KCNQ1: variants seen among roughly 807,000 people sequenced by gnomAD.
KCNQ1 encodes the protein potassium voltage-gated channel subfamily KQT member 1.
A neutral mutation model predicts 72.4 loss-of-function variants in KCNQ1; 49 were observed. The observed-to-expected ratio is 0.68, with a 90% CI of 0.54 to 0.86. The LOEUF (loss-of-function observed/expected upper bound fraction) is 0.86, where lower values mean the gene tolerates loss of function less well. Ranked by LOEUF, KCNQ1 falls within the 40% of genes least tolerant of loss-of-function variation. The probability of loss-of-function intolerance (pLI) is 0.00; values close to 1 mark genes in which losing one functional copy is unlikely to be tolerated. For missense variants in KCNQ1, 790 were observed against 945.1 expected (o/e 0.84, Z 2.15); for synonymous variants, 450 against 412.6 (o/e 1.09, Z -1.10).
chr11:2,796,163 T>C (rs163162), intron 15 of KCNQ1, among the ~76,000 whole-genome samples: 151,909 of 152,362 alleles, frequency 1, 75,729 homozygotes, highest in Middle Eastern at 1. Context: ...AAAACATAAA[T>C]GTAAATACCA....
chr11:2,647,165 C>CTT lies in KCNQ1; in HGVS notation c.1394-14787_1394-14786dup, dbSNP rs141799528. On this transcript the variant is annotated intron_variant, in intron 10 of 15. Transcript: ENST00000155840. This position sits in a 1 kb window ranked among gnomAD's most constrained non-coding sequence, Gnocchi z 4.0. ...TTCCTTCTAGACATTATGTGATGAGCTTTTTTTTTTATCATGAAGAGATTT... is the reference window on the plus strand; with the variant it reads ...TTCCTTCTAGACATTATGTGATGAGCTTTTTTTTTTTTATCATGAAGAGATTT... The CTT allele has an allele frequency of 2.6e-6, 1 of 380,096 alleles. No individual in the cohort carries two copies. Among genetic ancestry groups the CTT allele is most frequent in the Non-Finnish European group, 4.7e-6 (1 of 214,758 alleles). 23.5% of individuals were successfully genotyped at this position (380,096 alleles called of 1,614,324 possible).
In KCNQ1 at chr11:2,772,560, G is replaced by A. The variant is rs1846620368; in HGVS notation, c.1591-3400G>A. On this transcript the variant is annotated intron_variant, in intron 12 of 15. Coordinates refer to ENST00000155840, the MANE Select transcript of KCNQ1 (RefSeq NM_000218.3). The surrounding 1 kb of genome is among the most constrained non-coding windows in gnomAD (Gnocchi z 6.6). ...CTCCAGGATAAGTCTCTGTGGGCTG[G>A]GATGCCACCGGGCCGTGGGTCCTCA... Among the ~76,000 whole-genome samples, 1 of 152,110 alleles carries A rather than the reference G, an allele frequency of 6.6e-6. No individual in the cohort carries two copies. The highest frequency in any genetic ancestry group is 2.4e-5 in the African/African-American group (1 of 41,428).
At chr11:2,760,568 C>T (rs1288990079) in intron 11 of KCNQ1, among the ~76,000 whole-genome samples, 5 of 152,144 alleles carry the variant, frequency 3.3e-5, no homozygotes, top group African/African-American at 9.7e-5. Context: ...AGGGTCCATC[C>T]GCCCTTCAGT....
rs1378324750 is a variant in KCNQ1, at chr11:2,772,472, C to T, written c.1591-3488C>T. On this transcript the variant is annotated intron_variant, in intron 12 of 15. Coordinates refer to ENST00000155840, the MANE Select transcript of KCNQ1 (RefSeq NM_000218.3). The surrounding 1 kb of genome is among the most constrained non-coding windows in gnomAD (Gnocchi z 6.6). ...CAGGATGATCTTTCCAGCCCAACCC[C>T]AGAGGACCACTGGACAAAGGCCCCC... Among the ~76,000 whole-genome samples the T allele has an allele frequency of 2.6e-5, 4 of 152,120 alleles. No individual in the cohort carries two copies. Among genetic ancestry groups the T allele is most frequent in the African/African-American group, 9.7e-5 (4 of 41,406 alleles).
rs1176766378 is a variant in KCNQ1 at position 2,734,347 on chromosome 11, G to A, written c.1515-34497G>A. 6.6e-6 allele frequency among the ~76,000 whole-genome samples: 1 copy of A among 152,250 alleles called. No homozygotes were observed. The highest frequency in any genetic ancestry group is 1.5e-5 in the Non-Finnish European group (1 of 68,038). On this transcript the variant is annotated intron_variant, in intron 11 of 15. Transcript: ENST00000155840. This position sits in a 1 kb window ranked among gnomAD's most constrained non-coding sequence, Gnocchi z 7.0. ...TCCGTGAGGTGGCGGGGAGCACCAA[G>A]GGTAGAGGCAGGGGAGCAATGGATG...
In KCNQ1 at chr11:2,657,478, CTT is replaced by C. The variant is rs1482558686; in HGVS notation, c.1394-4482_1394-4481del. The C allele has an allele frequency of 1.3e-5, 5 of 398,506 alleles. No homozygotes were observed. Among genetic ancestry groups the C allele is most frequent in the South Asian group, 1.3e-4 (1 of 7,854 alleles). 24.7% of individuals were successfully genotyped at this position (398,506 alleles called of 1,614,324 possible). A position where few individuals can be genotyped will look rare whatever the true frequency, so the allele number is the denominator to read the frequency against. ...CTATTGTATACAGGTTCTGTTTTCT[CTT>C]GTTACCTCACATTTTTTATTTACAG... On this transcript the variant is annotated intron_variant, in intron 10 of 15. Coordinates refer to ENST00000155840, the MANE Select transcript of KCNQ1 (RefSeq NM_000218.3). The surrounding 1 kb of genome is among the most constrained non-coding windows in gnomAD (Gnocchi z 4.8).
In KCNQ1 at chr11:2,516,142, G is replaced by T. The variant is rs912409856; in HGVS notation, c.387-11786G>T. Among the ~76,000 whole-genome samples, 6 of 152,050 alleles carry T rather than the reference G, an allele frequency of 3.9e-5. No homozygotes were observed. The highest frequency in any genetic ancestry group is 1.4e-4 in the African/African-American group (6 of 41,396). On this transcript the variant is annotated intron_variant, in intron 1 of 15. Transcript: ENST00000155840. This position sits in a 1 kb window ranked among gnomAD's most constrained non-coding sequence, Gnocchi z 7.0. The stretch of plus-strand genomic sequence containing the variant: ...GTTGTAGTTTTCGGGGTGCTTCGAG[G>T]TGCTGTGGGGACCTGTGATGCTGTC...
rs182070639 is a variant in KCNQ1, at chr11:2,483,614, C to T, written c.386+38130C>T. 2.0e-5 allele frequency among the ~76,000 whole-genome samples: 3 copies of T among 152,236 alleles called. No homozygotes were observed. Among genetic ancestry groups the T allele is most frequent in the East Asian group, 1.9e-4 (1 of 5,186 alleles). ...CTTGATGTTTTAGATAAGTACTGGG[C>T]GGCTGTTTTGTAGAACGTCCCTCGG... is the stretch of plus-strand genomic sequence containing the variant. On this transcript the variant is annotated intron_variant, in intron 1 of 15. Coordinates refer to ENST00000155840, the MANE Select transcript of KCNQ1 (RefSeq NM_000218.3). The surrounding 1 kb of genome is among the most constrained non-coding windows in gnomAD (Gnocchi z 6.1).
At position 2,711,865 on chromosome 11, in the gene KCNQ1, G is replaced by A. The variant is rs755290583; in HGVS notation, c.1514+49784G>A. On this transcript the variant is annotated intron_variant, in intron 11 of 15. Coordinates refer to ENST00000155840, the MANE Select transcript of KCNQ1 (RefSeq NM_000218.3). The surrounding 1 kb of genome is among the most constrained non-coding windows in gnomAD (Gnocchi z 5.4). The stretch of plus-strand genomic sequence containing the variant: ...CTGAGGAGGGTGCCTTTGAGGGGAG[G>A]CAGAGTTGGCTCACGGGAAAGGCTG... Among the ~76,000 whole-genome samples, 5 of 152,192 alleles carry A rather than the reference G, an allele frequency of 3.3e-5. No homozygotes were observed. Among genetic ancestry groups the A allele is most frequent in the African/African-American group, 4.8e-5 (2 of 41,456 alleles).
At position 2,815,785 on chromosome 11, in the gene KCNQ1, C is replaced by T. The variant is rs1847601057; in HGVS notation, c.1795-31982C>T. ...CCTGGAGGTACTGGGTGGAGCTGCC[C>T]CCAGCCCTTCCTGCTGGCCTCCCCA... On this transcript the variant is annotated intron_variant, in intron 15 of 15. Coordinates refer to ENST00000155840, the MANE Select transcript of KCNQ1 (RefSeq NM_000218.3). This position sits in a 1 kb window ranked among gnomAD's most constrained non-coding sequence, Gnocchi z 5.4. 6.6e-6 allele frequency among the ~76,000 whole-genome samples: 1 copy of T among 152,150 alleles called. No homozygotes were observed. The highest frequency in any genetic ancestry group is 6.5e-5 in the Admixed American group (1 of 15,280).
rs539119916 is a variant in KCNQ1 at position 2,652,294 on chromosome 11, CCTCA to C, written c.1394-9664_1394-9661del. 3.8e-5 allele frequency: 15 copies of C among 398,536 alleles called. No individual in the cohort carries two copies. Among genetic ancestry groups the C allele is most frequent in the Non-Finnish European group, 6.2e-5 (14 of 226,090 alleles). The allele number at this position is 398,536 out of a possible 1,614,324, so 24.7% of individuals were successfully genotyped here. ...TCTGCACCGGTTTCCAAGGCTTCTC[CCTCA>C]CTAATTGCTTTGATTATTGTGTGAA... On this transcript the variant is annotated intron_variant, in intron 10 of 15. Coordinates refer to ENST00000155840, the MANE Select transcript of KCNQ1 (RefSeq NM_000218.3). The surrounding 1 kb of genome is among the most constrained non-coding windows in gnomAD (Gnocchi z 5.9).
Position 2,447,272 on chromosome 11 carries a change from C to G in KCNQ1, c.386+1788C>G, listed in dbSNP as rs1201015287. On this transcript the variant is annotated intron_variant, in intron 1 of 15. Transcript: ENST00000155840. The surrounding 1 kb of genome is among the most constrained non-coding windows in gnomAD (Gnocchi z 7.6). ...CCCAGCCTCCGCAGAGCTGGCAAGG[C>G]AGGGGTGGCTTCTGGGGACAGGGGC... 3.9e-5 allele frequency among the ~76,000 whole-genome samples: 6 copies of G among 152,256 alleles called. No homozygotes were observed. The highest frequency in any genetic ancestry group is 7.4e-5 in the Non-Finnish European group (5 of 68,014).
Position 2,703,108 on chromosome 11 carries a change from A to T in KCNQ1, c.1514+41027A>T, listed in dbSNP as rs1453127489. On this transcript the variant is annotated intron_variant, in intron 11 of 15. Transcript: ENST00000155840. This position sits in a 1 kb window ranked among gnomAD's most constrained non-coding sequence, Gnocchi z 6.4. ...GACTCCAGGCCAGCCCCAGAGGCAG[A>T]TGGGGGCTGCCAGGCAGGCTGGGAG... Among the ~76,000 whole-genome samples the T allele has an allele frequency of 6.6e-6, 1 of 152,172 alleles. No individual in the cohort carries two copies. Among genetic ancestry groups the T allele is most frequent in the African/African-American group, 2.4e-5 (1 of 41,434 alleles).
chr11:2,516,147 G>C lies in KCNQ1; in HGVS notation c.387-11781G>C, dbSNP rs1442208205. Among the ~76,000 whole-genome samples, 1 of 152,102 alleles carries C rather than the reference G, an allele frequency of 6.6e-6. No individual in the cohort carries two copies. The highest frequency in any genetic ancestry group is 1.5e-5 in the Non-Finnish European group (1 of 68,032). ...AGTTTTCGGGGTGCTTCGAGGTGCT[G>C]TGGGGACCTGTGATGCTGTCAGGGA... On this transcript the variant is annotated intron_variant, in intron 1 of 15. Coordinates refer to ENST00000155840, the MANE Select transcript of KCNQ1 (RefSeq NM_000218.3). This position sits in a 1 kb window ranked among gnomAD's most constrained non-coding sequence, Gnocchi z 7.0.
In KCNQ1 at chr11:2,541,907, C is replaced by T. The variant is rs3944148; in HGVS notation, c.477+13889C>T. ...CAGCTAAGGGGGTTTGGGGGCCAGTCGGCAGCCTCTGGAGGCCTCTGCACC... is the reference window on the plus strand; with the variant it reads ...CAGCTAAGGGGGTTTGGGGGCCAGTTGGCAGCCTCTGGAGGCCTCTGCACC... On this transcript the variant is annotated intron_variant, in intron 2 of 15. Coordinates refer to ENST00000155840, the MANE Select transcript of KCNQ1 (RefSeq NM_000218.3). This position sits in a 1 kb window ranked among gnomAD's most constrained non-coding sequence, Gnocchi z 4.8. 0.15 allele frequency among the ~76,000 whole-genome samples: 22,246 copies of T among 152,076 alleles called. 1,854 individuals are homozygous for T. Among genetic ancestry groups the T allele is most frequent in the East Asian group, 0.31 (1,588 of 5,126 alleles).
At chr11:2,823,502 C>A (rs138750371) in intron 15 of KCNQ1, among the ~76,000 whole-genome samples, 1 of 152,326 alleles carries the variant, frequency 6.6e-6, no homozygotes, top group African/African-American at 2.4e-5. Context: ...AAGGCACCAA[C>A]AACAAGGAGG....
In KCNQ1 at chr11:2,515,547, C is replaced by G. The variant is rs1177758746; in HGVS notation, c.387-12381C>G. Among the ~76,000 whole-genome samples, 1 of 152,162 alleles carries G rather than the reference C, an allele frequency of 6.6e-6. No homozygotes were observed. The highest frequency in any genetic ancestry group is 1.5e-5 in the Non-Finnish European group (1 of 68,028). ...GGTGAGGGGACAAGGCTGCTGGGAC[C>G]AGGCCTCGCCCAGGCAGAGCCTCGC... On this transcript the variant is annotated intron_variant, in intron 1 of 15. Coordinates refer to ENST00000155840, the MANE Select transcript of KCNQ1 (RefSeq NM_000218.3). This position sits in a 1 kb window ranked among gnomAD's most constrained non-coding sequence, Gnocchi z 4.7.
rs932461278 is a variant in KCNQ1 at position 2,762,250 on chromosome 11, A to G, written c.1515-6594A>G. Among the ~76,000 whole-genome samples, 4 of 152,184 alleles carry G rather than the reference A, an allele frequency of 2.6e-5. No individual in the cohort carries two copies. The highest frequency in any genetic ancestry group is 2.9e-5 in the Non-Finnish European group (2 of 68,022). On this transcript the variant is annotated intron_variant, in intron 11 of 15. Coordinates refer to ENST00000155840, the MANE Select transcript of KCNQ1 (RefSeq NM_000218.3). This position sits in a 1 kb window ranked among gnomAD's most constrained non-coding sequence, Gnocchi z 4.3. ...AATTTGTCAAATAGTTTTCTGTTAC[A>G]GTTCATACTGTTTGCGTTCCTTTAA... is the stretch of plus-strand genomic sequence containing the variant.
chr11:2,535,236 C>T (rs1417553828), intron 2 of KCNQ1, among the ~76,000 whole-genome samples: 4 of 152,152 alleles, frequency 2.6e-5, no homozygotes, highest in Non-Finnish European at 4.4e-5. Flanking sequence ...GTAAGGGTAG[C>T]GAAGGTGAAA....
Sources: allele counts gnomAD v4.1 joint callset (sites outside exome capture counted in the v4.1 genomes callset), GRCh38; gene constraint gnomAD v4.1.1; non-coding constraint Gnocchi (gnomAD v3.1); transcripts MANE v1.5; gene names NCBI Gene and HGNC (gene_info 2026-07-23, HGNC 2026-07-21).